CHIC2: variants seen among roughly 807,000 people sequenced by gnomAD.
The protein encoded by CHIC2 is cysteine-rich hydrophobic domain-containing protein 2.
Under a neutral mutation model 25.9 loss-of-function variants are expected in CHIC2, and 14 were observed. The observed-to-expected ratio is 0.54, with a 90% CI of 0.36 to 0.85. The LOEUF is 0.85. Among genes scored for constraint, CHIC2 ranks in the 40% least tolerant of loss-of-function variants. The pLI, the probability that CHIC2 is intolerant of heterozygous loss-of-function variation, is 0.01. For synonymous variants in CHIC2, 70 were observed against 72.0 expected, an observed-to-expected ratio of 0.97 and a Z score of 0.14; for missense variants, 146 against 202.0, an observed-to-expected ratio of 0.72 and a Z score of 1.68.
chr4:54,079,779 T>TAA, the CHIC2 span, among the ~76,000 whole-genome samples: 8 of 149,198 alleles, frequency 5.4e-5, no homozygotes, highest in South Asian at 2.1e-4. Flanking sequence ...GTCTCAGAAA[T>TAA]AAAAAAAAAC....
intron 1 of CHIC2, among the ~76,000 whole-genome samples, chr4:54,056,120 T>C (rs577857321): frequency 2.2e-4 from 33 of 152,268 alleles, no homozygotes; most frequent in African/African-American, 7.5e-4. Context: ...TAATCTAGCA[T>C]TAGCATTTTA....
At chr4:54,086,267 G>A in the CHIC2 span, among the ~76,000 whole-genome samples, 1 of 151,886 alleles carries the variant, frequency 6.6e-6, no homozygotes, top group Non-Finnish European at 1.5e-5. Context: ...TTTGGGCTCT[G>A]CCCTCAAGCA....
intron 1 of CHIC2, among the ~76,000 whole-genome samples, chr4:54,054,830 G>C (rs1717124521): frequency 6.6e-6 from 1 of 152,226 alleles, no homozygotes; most frequent in Non-Finnish European, 1.5e-5. Flanking sequence ...AGAGCTGACA[G>C]AGAGAGGGCT....
At chr4:54,018,461 T>C (rs1577963253) in intron 3 of CHIC2, among the ~76,000 whole-genome samples, 1 of 152,158 alleles carries the variant, frequency 6.6e-6, no homozygotes, top group East Asian at 1.9e-4. Flanking sequence ...TTAGAAAATC[T>C]TTAAGGTATT....
upstream of CHIC2, chr4:54,064,717 G>A: frequency 1.0e-6 from 1 of 959,004 alleles, no homozygotes; most frequent in Non-Finnish European, 1.3e-6. This position sits in a 1 kb window ranked among gnomAD's most constrained non-coding sequence, Gnocchi z 4.2. Context: ...GAGCGGACTG[G>A]CTGGCGGGCG....
intron 3 of CHIC2, among the ~76,000 whole-genome samples, chr4:54,021,918 T>TA (rs1378227216): frequency 6.6e-6 from 1 of 152,068 alleles, no homozygotes; most frequent in African/African-American, 2.4e-5. Context: ...TGTACAATAA[T>TA]AGAGTAGAGG....
chr4:54,053,170 A>T (rs900009454), intron 1 of CHIC2, among the ~76,000 whole-genome samples: 1 of 152,226 alleles, frequency 6.6e-6, no homozygotes, highest in Non-Finnish European at 1.5e-5. Context: ...AATTCAATAT[A>T]CCATGATATT....
At chr4:54,018,286 A>G (rs1481058670) in intron 3 of CHIC2, among the ~76,000 whole-genome samples, 1 of 152,158 alleles carries the variant, frequency 6.6e-6, no homozygotes, top group East Asian at 1.9e-4. Flanking sequence ...TTACTGCAAT[A>G]GAAAACTAAG....
At chr4:54,069,435 G>A (rs1717577157), upstream of CHIC2, among the ~76,000 whole-genome samples, 1 of 152,214 alleles carries the variant, frequency 6.6e-6, no homozygotes, top group East Asian at 1.9e-4. Flanking sequence ...GCGGAGTCGG[G>A]GTGCTCTGCT....
At chr4:54,036,359 T>C (rs1399581971) in intron 3 of CHIC2, among the ~76,000 whole-genome samples, 1 of 152,174 alleles carries the variant, frequency 6.6e-6, no homozygotes, top group African/African-American at 2.4e-5. Flanking sequence ...TTGGACAAGC[T>C]GTACAAGAAG....
At chr4:54,037,421 T>TA (rs937180012) in intron 3 of CHIC2, among the ~76,000 whole-genome samples, 4 of 152,144 alleles carry the variant, frequency 2.6e-5, no homozygotes, top group African/African-American at 9.7e-5. Context: ...TTCATTTAGA[T>TA]AAAACTCTAG....
intron 3 of CHIC2, among the ~76,000 whole-genome samples, chr4:54,020,633 T>C (rs1267528229): frequency 6.6e-6 from 1 of 152,088 alleles, no homozygotes; most frequent in African/African-American, 2.4e-5. Context: ...CCAAGGAACA[T>C]CTCACCAATT....
chr4:54,056,249 G>T (rs1286582756), intron 1 of CHIC2, among the ~76,000 whole-genome samples: 1 of 152,044 alleles, frequency 6.6e-6, no homozygotes, highest in Non-Finnish European at 1.5e-5. Flanking sequence ...AACTTCTGGC[G>T]ATATAGGGAT....
intron 3 of CHIC2, among the ~76,000 whole-genome samples, chr4:54,015,701 CA>C (rs746647311): frequency 6.6e-5 from 10 of 152,242 alleles, no homozygotes; most frequent in Admixed American, 3.3e-4. Flanking sequence ...GTCTTTAGCA[CA>C]ATGCAACTTC....
intron 3 of CHIC2, among the ~76,000 whole-genome samples, chr4:54,037,275 G>A (rs903859554): frequency 6.6e-6 from 1 of 151,946 alleles, no homozygotes; most frequent in Non-Finnish European, 1.5e-5. Context: ...GTGGAGCCTG[G>A]GAAGTCTGGG....
At chr4:54,043,702 C>T (rs1716670724) in intron 3 of CHIC2, among the ~76,000 whole-genome samples, 1 of 152,150 alleles carries the variant, frequency 6.6e-6, no homozygotes. Flanking sequence ...CAAAAACATG[C>T]CAAATTGTAA....
intron 3 of CHIC2, among the ~76,000 whole-genome samples, chr4:54,046,625 T>C (rs1448728737): frequency 6.6e-6 from 1 of 152,202 alleles, no homozygotes; most frequent in African/African-American, 2.4e-5. Flanking sequence ...GATCCCTTCC[T>C]TACACCTTAT....
chr4:54,027,930 G>T lies in CHIC2; in HGVS notation c.331-13811C>A, dbSNP rs553658174. On this transcript the variant is annotated intron_variant, in intron 3 of 5. Transcript: ENST00000263921. ...CATTTGTTTTTATAAAAGCAAAACA[G>T]AAGCAAAGGCAATATATCAACTCTT... Among the ~76,000 whole-genome samples, 37 of 152,240 alleles carry T rather than the reference G, an allele frequency of 2.4e-4. No homozygotes were observed. The South Asian group carries it at 3.9e-3, about 16-fold the overall frequency.
chr4:54,033,791 C>T (rs957368238), intron 3 of CHIC2, among the ~76,000 whole-genome samples: 1 of 152,082 alleles, frequency 6.6e-6, no homozygotes, highest in South Asian at 2.1e-4. Context: ...ACTGAATTGC[C>T]TTTCCACCTT....
Sources: gnomAD v4.1 joint callset for allele counts (sites outside exome capture counted in the v4.1 genomes callset) on GRCh38, gnomAD v4.1.1 for gene constraint, Gnocchi (gnomAD v3.1) non-coding constraint, MANE v1.5 for transcripts, NCBI Gene and HGNC (gene_info 2026-07-23, HGNC 2026-07-21) for gene names.